The following TMEM276 variants were observed in gnomAD, a reference collection of about 807,000 sequenced individuals.
TMEM276 encodes transmembrane protein 276.
the TMEM276 span, chr8:144,465,042 T>C: frequency 6.5e-7 from 1 of 1,534,798 alleles, no homozygotes; most frequent in Non-Finnish European, 8.7e-7. Flanking sequence ...CATTACTGGA[T>C]GTTAGGAGAA....
chr8:144,464,161 C>A, the TMEM276 span: 1 of 1,612,738 alleles, frequency 6.2e-7, no homozygotes, highest in Non-Finnish European at 8.5e-7. Context: ...ATGCAGGGCC[C>A]GGCAGTAAGC....
chr8:144,464,658 G>C, the TMEM276 span: 1 of 1,577,316 alleles, frequency 6.3e-7, no homozygotes, highest in Non-Finnish European at 8.6e-7. Flanking sequence ...AGAGGCCGGG[G>C]TCACCCTTTT....
At chr8:144,466,996 C>G in the TMEM276 span, 1 of 1,597,028 alleles carries the variant, frequency 6.3e-7, no homozygotes, top group South Asian at 1.1e-5. Flanking sequence ...AAGGCGCAGC[C>G]GAGGGCCGCG....
chr8:144,466,925 C>G, the TMEM276 span: 1 of 1,576,034 alleles, frequency 6.3e-7, no homozygotes, highest in Non-Finnish European at 8.6e-7. Context: ...GCACGTGACC[C>G]GAAATGTCTC....
At chr8:144,465,474 G>A in the TMEM276 span, 58 of 990,726 alleles carry the variant, frequency 5.9e-5, no homozygotes, top group Non-Finnish European at 6.6e-5. Context: ...GCGCGGTCGG[G>A]AACCTCCACC....
chr8:144,465,082 G>A, the TMEM276 span: 57 of 1,527,638 alleles, frequency 3.7e-5, no homozygotes, highest in Non-Finnish European at 4.4e-5. Flanking sequence ...GGATCCCTGA[G>A]GCCACTGCAC....
At chr8:144,464,509 C>T in the TMEM276 span, 1 of 1,612,302 alleles carries the variant, frequency 6.2e-7, no homozygotes, top group Non-Finnish European at 8.5e-7. Context: ...GGTGGCCACC[C>T]AGGCTCCAGC....
At chr8:144,466,458 C>T in the TMEM276 span, 3 of 1,361,470 alleles carry the variant, frequency 2.2e-6, no homozygotes, top group South Asian at 1.7e-5. Context: ...ACATCTTCTA[C>T]AGCCTCTTCC....
the TMEM276 span, chr8:144,464,656 G>T: frequency 1.9e-6 from 3 of 1,578,508 alleles, no homozygotes; most frequent in East Asian, 6.7e-5. Flanking sequence ...AAAGAGGCCG[G>T]GGTCACCCTT....
At chr8:144,466,832 C>T in the TMEM276 span, 2 of 1,537,184 alleles carry the variant, frequency 1.3e-6, no homozygotes, top group Admixed American at 1.9e-5. Context: ...GCTGACCGGC[C>T]TGGCCGGTAG....
chr8:144,464,778 A>G, the TMEM276 span: 3 of 1,610,546 alleles, frequency 1.9e-6, no homozygotes, highest in Admixed American at 5.0e-5. Context: ...AGGTATGGGG[A>G]TGCGCCCCTG....
the TMEM276 span, chr8:144,464,725 C>G: frequency 6.4e-7 from 1 of 1,563,930 alleles, no homozygotes; most frequent in Non-Finnish European, 8.7e-7. Flanking sequence ...CACTTCCCAC[C>G]AACCTCTCTC....
the TMEM276 span, chr8:144,464,246 G>A: frequency 1.9e-6 from 3 of 1,612,946 alleles, no homozygotes; most frequent in South Asian, 2.2e-5. Context: ...TCCTCCAGCC[G>A]GCTCAGGAGG....
chr8:144,465,407 C>A, the TMEM276 span: 2 of 1,015,444 alleles, frequency 2.0e-6, no homozygotes, highest in Non-Finnish European at 2.4e-6. Flanking sequence ...CTGCGCAACG[C>A]ACCGCCCACC....
the TMEM276 span, chr8:144,464,381 G>A: frequency 1.2e-6 from 2 of 1,609,560 alleles, no homozygotes; most frequent in East Asian, 4.5e-5. Flanking sequence ...CGGCCCTCAG[G>A]GCCGAGGTGG....
the TMEM276 span, chr8:144,465,145 T>C: frequency 7.0e-7 from 1 of 1,430,242 alleles, no homozygotes; most frequent in Middle Eastern, 1.8e-4. Flanking sequence ...GGAAAACGAC[T>C]CAGGGTCTAA....
the TMEM276 span, chr8:144,463,944 C>T: frequency 6.8e-7 from 1 of 1,474,082 alleles, no homozygotes; most frequent in Middle Eastern, 2.5e-4. Flanking sequence ...TCATTCTGGT[C>T]TAGACAAGTC....
the TMEM276 span, chr8:144,465,539 G>A: frequency 1.9e-6 from 1 of 537,550 alleles, no homozygotes; most frequent in Non-Finnish European, 2.4e-6. Flanking sequence ...GCTGGGGGGG[G>A]AGGGTCGAGG....
the TMEM276 span, chr8:144,464,275 G>GCC: frequency 6.8e-6 from 11 of 1,606,864 alleles, no homozygotes; most frequent in South Asian, 3.3e-5. Flanking sequence ...ACCCAGCATC[G>GCC]CCCCCCCCCA....
Sources: allele counts gnomAD v4.1 joint callset, GRCh38; gene constraint gnomAD v4.1.1; transcripts MANE v1.5; gene names NCBI Gene and HGNC (gene_info 2026-07-23, HGNC 2026-07-21).